The following CCPG1 variants were observed in gnomAD, a reference collection of about 807,000 sequenced individuals.
CCPG1 encodes the protein cell cycle progression protein 1.
In CCPG1, 46 loss-of-function variants were observed where a neutral mutation model predicts 81.3. The ratio of observed to expected loss-of-function variants is 0.57; its 90% CI spans 0.45 to 0.72. The LOEUF is 0.72. Among genes scored for constraint, CCPG1 ranks in the 30% least tolerant of loss-of-function variants. CCPG1 has a pLI of 0.00. For synonymous variants in CCPG1, 330 were observed against 305.2 expected (o/e 1.08, Z -0.85); for missense variants, 902 against 937.6 (o/e 0.96, Z 0.50).
chr15:55,377,610 C>T (rs1238409128), intron 4 of CCPG1, among the ~76,000 whole-genome samples: 1 of 152,202 alleles, frequency 6.6e-6, no homozygotes, highest in Non-Finnish European at 1.5e-5. Flanking sequence ...GGAATGTAAT[C>T]GCCAATGTGA....
intron 6 of CCPG1, among the ~76,000 whole-genome samples, chr15:55,368,321 G>T (rs1395316329): frequency 1.3e-5 from 2 of 152,088 alleles, no homozygotes; most frequent in African/African-American, 4.8e-5. Context: ...TCTTCCTCAG[G>T]TTATCAGATT....
At chr15:55,357,099 CAA>C in intron 8 of CCPG1, 2 of 985,282 alleles carry the variant, frequency 2.0e-6, no homozygotes, top group Non-Finnish European at 2.4e-6. Flanking sequence ...ACAGTCTCGG[CAA>C]AAGAGATGAC....
Position 55,367,519 on chromosome 15 carries a change from T to C in CCPG1, c.707-2210A>G, listed in dbSNP as rs991608796. On this transcript the variant is annotated intron_variant, in intron 6 of 8. Coordinates refer to ENST00000442196, the MANE Select transcript of CCPG1 (RefSeq NM_001204450.2). ...ATGTTGCAGCGCTGTCAGATTTTGC[T>C]ATCACTCCTATTAAGAATTCCAAGC... Among the ~76,000 whole-genome samples the C allele has an allele frequency of 5.3e-5, 8 of 152,234 alleles. 1 individual carries two copies. The highest frequency in any genetic ancestry group is 4.6e-4 in the Admixed American group (7 of 15,278).
chr15:55,380,279 TTTC>T (rs1229696056), intron 3 of CCPG1, among the ~76,000 whole-genome samples: 1 of 150,042 alleles, frequency 6.7e-6, no homozygotes, highest in African/African-American at 2.5e-5. Flanking sequence ...TGAACATGCA[TTTC>T]TTTTTGTTTT....
intron 1 of CCPG1, among the ~76,000 whole-genome samples, chr15:55,389,949 G>A (rs1044244625): frequency 6.6e-6 from 1 of 152,356 alleles, no homozygotes; most frequent in Admixed American, 6.5e-5. Flanking sequence ...TTTTGAGACG[G>A]AGTCTCGAGC....
intron 2 of CCPG1, among the ~76,000 whole-genome samples, chr15:55,386,711 G>A (rs1248627382): frequency 2.0e-5 from 3 of 151,660 alleles, no homozygotes; most frequent in Non-Finnish European, 4.4e-5. Context: ...TGGCTAACAC[G>A]GTGAAACCCC....
chr15:55,371,903 T>A lies in CCPG1; in HGVS notation c.596A>T (p.Glu199Val). The A allele has an allele frequency of 6.2e-7, 1 of 1,614,222 alleles. No individual in the cohort carries two copies. The change falls in exon 6 of 9, where the codon GAA (glutamate) becomes GTA (valine). Residue 199 changes from glutamate to valine, a missense_variant. Coordinates refer to ENST00000442196, the MANE Select transcript of CCPG1 (RefSeq NM_001204450.2). Reference sequence around the variant, plus strand: ...ACTCAACTCCTTAGAAGGTTCAGTTTCTTGTTCAGCAACTAGCCGGTCTTC... The same window carrying A: ...ACTCAACTCCTTAGAAGGTTCAGTTACTTGTTCAGCAACTAGCCGGTCTTC... ...ESEDRLVAEQETEPSKELSKR... is the reference protein window; with the variant it reads ...ESEDRLVAEQVTEPSKELSKR...
chr15:55,374,345 C>A, intron 5 of CCPG1: 1 of 592,394 alleles, frequency 1.7e-6, no homozygotes, highest in South Asian at 1.8e-5. Context: ...TATCACTTAA[C>A]ATTGTTATCC....
rs2056176276 is a variant in CCPG1, at chr15:55,360,764, T to C, written c.1009A>G (p.Ile337Val). Residue 337 changes from isoleucine (I) to valine (V), a missense_variant, in exon 8 of 9, where the codon ATA (isoleucine) becomes GTA (valine). Coordinates refer to ENST00000442196, the MANE Select transcript of CCPG1 (RefSeq NM_001204450.2). ...GTACTTGTCCCTTTATCTTCCAATA[T>C]TCTAATCTGTTCTCTTAGTTTGTTT... ...ELNKLREQIR[I>V]LEDKGTSTEL... The C allele has an allele frequency of 6.2e-7, 1 of 1,612,202 alleles. No individual in the cohort carries two copies. The highest frequency in any genetic ancestry group is 8.5e-7 in the Non-Finnish European group (1 of 1,179,524).
chr15:55,373,489 C>G (rs2056496895), intron 5 of CCPG1, among the ~76,000 whole-genome samples: 2 of 152,270 alleles, frequency 1.3e-5, no homozygotes, highest in East Asian at 1.9e-4. Context: ...AACACAAAGA[C>G]AGAAGGCACT....
At chr15:55,401,534 G>A (rs2057128731) in intron 1 of CCPG1, among the ~76,000 whole-genome samples, 1 of 152,090 alleles carries the variant, frequency 6.6e-6, no homozygotes, top group Admixed American at 6.6e-5. Flanking sequence ...AGGCATGGTG[G>A]CCCATGCCTG....
chr15:55,356,782 A>G, intron 8 of CCPG1: 1 of 997,510 alleles, frequency 1.0e-6, no homozygotes, highest in Non-Finnish European at 1.2e-6. Flanking sequence ...TCTCACAAAC[A>G]AAGCAAAACA....
chr15:55,402,426 C>A (rs958888365), intron 1 of CCPG1, among the ~76,000 whole-genome samples: 8 of 152,146 alleles, frequency 5.3e-5, no homozygotes, highest in African/African-American at 1.9e-4. Flanking sequence ...CGGGGTTTCA[C>A]CATGTTGGGC....
chr15:55,380,023 C>A (rs1239367469), intron 3 of CCPG1, among the ~76,000 whole-genome samples: 5 of 150,994 alleles, frequency 3.3e-5, no homozygotes. Context: ...TTGCTTGAAC[C>A]CAGGAGGCGA....
rs922788494 is a variant in CCPG1, at chr15:55,358,700, C to A, written c.2234+839G>T. On this transcript the variant is annotated intron_variant, in intron 8 of 8. Coordinates refer to ENST00000442196, the MANE Select transcript of CCPG1 (RefSeq NM_001204450.2). ...AGCCTGAGGCCACCATGCCCCATAC[C>A]TTAATTTCATTTATTTACTTAGCTT... is the stretch of plus-strand genomic sequence containing the variant. 4.1e-6 allele frequency: 4 copies of A among 985,284 alleles called. No homozygotes were observed. In the Admixed American group the frequency reaches 1.8e-4, roughly 45 times the overall value. 61.0% of individuals were successfully genotyped at this position (985,284 alleles called of 1,614,324 possible). A position where few individuals can be genotyped will look rare whatever the true frequency, so the allele number is the denominator to read the frequency against.
intron 5 of CCPG1, chr15:55,373,086 G>C (rs1051204446): frequency 7.9e-6 from 4 of 504,304 alleles, no homozygotes; most frequent in African/African-American, 6.0e-5. Flanking sequence ...AATAATAGTA[G>C]AGAAAAACAA....
intron 2 of CCPG1, 100 bp from the exon 3 acceptor site, chr15:55,385,814 T>C (rs1001283375): frequency 2.8e-6 from 2 of 712,152 alleles, no homozygotes; most frequent in Admixed American, 2.1e-5. Context: ...AAGTCTCAGA[T>C]GCTGCCATAC....
intron 8 of CCPG1, chr15:55,357,207 G>GATC (rs1015506789): frequency 1.1e-6 from 1 of 909,498 alleles, no homozygotes; most frequent in African/African-American, 1.9e-5. Flanking sequence ...CCCAAACCTT[G>GATC]AATTCCCTAT....
intron 3 of CCPG1, among the ~76,000 whole-genome samples, chr15:55,381,174 G>A (rs966318953): frequency 2.0e-5 from 3 of 151,110 alleles, no homozygotes; most frequent in African/African-American, 7.3e-5. Context: ...AGTGGCTCAT[G>A]CTTGTAATCA....
Sources: gnomAD v4.1 joint callset for allele counts (sites outside exome capture counted in the v4.1 genomes callset) on GRCh38, gnomAD v4.1.1 for gene constraint, MANE v1.5 for transcripts, NCBI Gene and HGNC (gene_info 2026-07-23, HGNC 2026-07-21) for gene names.